The following RAB11FIP3 variants were observed in gnomAD, a reference collection of about 807,000 sequenced individuals.
RAB11FIP3 encodes rab11 family-interacting protein 3.
A neutral mutation model predicts 77.8 loss-of-function variants in RAB11FIP3; 17 were observed. The observed-to-expected ratio is 0.22, with a 90% CI of 0.15 to 0.33. The LOEUF is 0.33. RAB11FIP3 is among the 10% of genes least tolerant of loss of function. The pLI, the probability that RAB11FIP3 is intolerant of heterozygous loss-of-function variation, is 1.00. For missense variants in RAB11FIP3, 1,005 were observed against 1,011.2 expected, an observed-to-expected ratio of 0.99 and a Z score of 0.08; for synonymous variants, 437 against 448.2, an observed-to-expected ratio of 0.98 and a Z score of 0.31.
At position 461,067 on chromosome 16, in the gene RAB11FIP3, G is replaced by T. The variant is rs2055596711; in HGVS notation, c.715-337G>T. 6.6e-6 allele frequency among the ~76,000 whole-genome samples: 1 copy of T among 151,734 alleles called. No individual in the cohort carries two copies. The highest frequency in any genetic ancestry group is 1.5e-5 in the Non-Finnish European group (1 of 68,038). ...GCAGCCTTCTTGGCACCAGGGATTG[G>T]TTTCATAGAAGACGCCTTTCCACAG... On this transcript the variant is annotated intron_variant, in intron 1 of 13. Coordinates refer to ENST00000262305, the MANE Select transcript of RAB11FIP3 (RefSeq NM_014700.4). This position sits in a 1 kb window ranked among gnomAD's most constrained non-coding sequence, Gnocchi z 4.5.
intron 1 of RAB11FIP3, among the ~76,000 whole-genome samples, chr16:455,082 C>CT (rs764140198): frequency 9.8e-4 from 133 of 136,246 alleles, no homozygotes; most frequent in South Asian, 2.1e-3. Flanking sequence ...GGCTTTCTTT[C>CT]TTTTTTTTTT....
At chr16:455,311 C>T (rs1016471993) in intron 1 of RAB11FIP3, among the ~76,000 whole-genome samples, 4 of 151,240 alleles carry the variant, frequency 2.6e-5, no homozygotes, top group African/African-American at 7.3e-5. Flanking sequence ...GAAACCCCGT[C>T]TCTACTACAA....
At chr16:437,321 C>G (rs1035619753) in intron 1 of RAB11FIP3, among the ~76,000 whole-genome samples, 1 of 151,754 alleles carries the variant, frequency 6.6e-6, no homozygotes, top group African/African-American at 2.4e-5. Flanking sequence ...GTAATCCTAG[C>G]ACTTTGGGAG....
At chr16:476,068 C>A (rs1267463348) in intron 3 of RAB11FIP3, among the ~76,000 whole-genome samples, 1 of 152,184 alleles carries the variant, frequency 6.6e-6, no homozygotes, top group South Asian at 2.1e-4. Context: ...ATTGGCCAGG[C>A]TGGTCTCGAA....
At chr16:502,936 C>A (rs887226058) in intron 6 of RAB11FIP3, 68 bp from the exon 7 acceptor site, 2 of 1,258,986 alleles carry the variant, frequency 1.6e-6, no homozygotes, top group Non-Finnish European at 2.3e-6. Context: ...CTTGGGAGTG[C>A]TTGTGCTGAC....
At position 426,864 on chromosome 16, in the gene RAB11FIP3, C is replaced by A. The variant is rs1370472246; in HGVS notation, c.714+144C>A. On this transcript the variant is annotated intron_variant, in intron 1 of 13. Coordinates refer to ENST00000262305, the MANE Select transcript of RAB11FIP3 (RefSeq NM_014700.4). The surrounding 1 kb of genome is among the most constrained non-coding windows in gnomAD (Gnocchi z 5.0). The stretch of plus-strand genomic sequence containing the variant: ...CGGTCCTGCTTTTTCTGCTTATTCA[C>A]CACTTCGGCCCTGGATTTCTGGTTG... The A allele has an allele frequency of 3.6e-6, 2 of 549,020 alleles. No individual in the cohort carries two copies. The highest frequency in any genetic ancestry group is 3.3e-5 in the East Asian group (1 of 30,318). 34.0% of individuals were successfully genotyped at this position (549,020 alleles called of 1,614,324 possible).
chr16:481,236 C>T (rs1016579031), intron 3 of RAB11FIP3, among the ~76,000 whole-genome samples: 23 of 151,960 alleles, frequency 1.5e-4, no homozygotes, highest in Non-Finnish European at 8.8e-5. Context: ...TCCTGGCTGG[C>T]GCTGTGGCTC....
chr16:433,896 A>G (rs1263037607), intron 1 of RAB11FIP3, among the ~76,000 whole-genome samples: 1 of 151,470 alleles, frequency 6.6e-6, no homozygotes, highest in South Asian at 2.1e-4. Flanking sequence ...TATCTATATT[A>G]CATTTTCTTT....
intron 1 of RAB11FIP3, among the ~76,000 whole-genome samples, chr16:440,638 G>C (rs987208472): frequency 6.6e-6 from 1 of 152,244 alleles, no homozygotes; most frequent in African/African-American, 2.4e-5. Context: ...TCTTAGGTCA[G>C]TGATGCATCT....
intron 9 of RAB11FIP3, among the ~76,000 whole-genome samples, chr16:512,312 C>G (rs542813607): frequency 3.9e-5 from 6 of 151,984 alleles, no homozygotes; most frequent in Admixed American, 3.9e-4. Flanking sequence ...GCGATCTCGG[C>G]TCACTGCAAG....
At chr16:476,789 A>AG (rs1379601256) in intron 3 of RAB11FIP3, among the ~76,000 whole-genome samples, 1 of 150,592 alleles carries the variant, frequency 6.6e-6, no homozygotes, top group African/African-American at 2.4e-5. Flanking sequence ...AAAAAAAAAA[A>AG]AAAGAAAGAA....
intron 11 of RAB11FIP3, 102 bp downstream of exon 11, chr16:519,993 A>G: frequency 6.6e-7 from 1 of 1,519,430 alleles, no homozygotes. Flanking sequence ...TGCTTTGGGC[A>G]TAGCCGCTGG....
chr16:503,023 G>A lies in RAB11FIP3; in HGVS notation c.1321G>A (p.Ala441Thr), dbSNP rs1032238115. The change falls in exon 7 of 14, where the codon GCC becomes ACC. Residue 441 changes from alanine (A) to threonine (T), a missense_variant. Physicochemically the swap from Ala to Thr is moderately conservative, Grantham distance 58 (BLOSUM62 0). Transcript: ENST00000262305. Reference protein sequence around the residue: ...KVARYLHQSGALTMEALEDPS... With the variant: ...KVARYLHQSGTLTMEALEDPS... ...CTGTAGGTACCTGCACCAGTCAGGG[G>A]CCCTGACCATGGAGGCCCTGGAGGA... 6.2e-7 allele frequency: 1 copy of A among 1,612,544 alleles called. No homozygotes were observed.
rs148991375 is a variant in RAB11FIP3, at chr16:430,350, C to T, written c.714+3630C>T. Among the ~76,000 whole-genome samples the T allele has an allele frequency of 8.2e-3, 1,254 of 152,202 alleles. 26 individuals carry two copies. The highest frequency in any genetic ancestry group is 0.029 in the African/African-American group (1,192 of 41,486). On this transcript the variant is annotated intron_variant, in intron 1 of 13. Transcript: ENST00000262305. The stretch of plus-strand genomic sequence containing the variant: ...AACTGTAATTTACATGTTATTTTTA[C>T]AGTCACTTAAGCAGTTGCGTTTTAA...
intron 1 of RAB11FIP3, among the ~76,000 whole-genome samples, chr16:457,005 G>A (rs1384650362): frequency 6.6e-6 from 1 of 152,034 alleles, no homozygotes; most frequent in East Asian, 1.9e-4. Flanking sequence ...CTAGTGTGAA[G>A]TTTACAGATA....
Position 497,254 on chromosome 16 carries a change from T to C in RAB11FIP3, c.1301+395T>C, listed in dbSNP as rs760512607. 1.0e-5 allele frequency: 13 copies of C among 1,305,174 alleles called. No homozygotes were observed. The South Asian group carries it at 1.6e-4, about 16-fold the overall frequency. 80.8% of individuals were successfully genotyped at this position (1,305,174 alleles called of 1,614,324 possible). A position where few individuals can be genotyped will look rare whatever the true frequency, so the allele number is the denominator to read the frequency against. On this transcript the variant is annotated intron_variant, in intron 6 of 13. Coordinates refer to ENST00000262305, the MANE Select transcript of RAB11FIP3 (RefSeq NM_014700.4). Reference sequence around the variant, plus strand: ...GTGAGTCGAAGGTGAGGGATGGGTCTGACTCCAATTCCTAAAGACCATTTC... The same window carrying C: ...GTGAGTCGAAGGTGAGGGATGGGTCCGACTCCAATTCCTAAAGACCATTTC...
chr16:481,249 T>C (rs2056035934), intron 3 of RAB11FIP3, among the ~76,000 whole-genome samples: 1 of 151,956 alleles, frequency 6.6e-6, no homozygotes, highest in African/African-American at 2.4e-5. Context: ...TGTGGCTCAC[T>C]CTTGTAATCC....
At chr16:448,914 T>TA (rs916997460) in intron 1 of RAB11FIP3, among the ~76,000 whole-genome samples, 4 of 150,898 alleles carry the variant, frequency 2.7e-5, no homozygotes, top group Non-Finnish European at 4.4e-5. Context: ...AAACTCTGTC[T>TA]AAAAAAAAAT....
chr16:460,710 A>ATATC (rs1220990711), intron 1 of RAB11FIP3, among the ~76,000 whole-genome samples: 1 of 152,188 alleles, frequency 6.6e-6, no homozygotes, highest in Non-Finnish European at 1.5e-5. Flanking sequence ...TCTATGTAAC[A>ATATC]TATCTATGTT....
Sources: gnomAD v4.1 joint callset for allele counts (sites outside exome capture counted in the v4.1 genomes callset) on GRCh38, gnomAD v4.1.1 for gene constraint, Gnocchi (gnomAD v3.1) non-coding constraint, MANE v1.5 for transcripts, NCBI Gene and HGNC (gene_info 2026-07-23, HGNC 2026-07-21) for gene names.